The following WASHC5 variants were observed in gnomAD, a reference collection of about 807,000 sequenced individuals.
The protein encoded by WASHC5 is WASH complex subunit 5.
A neutral mutation model predicts 150.4 loss-of-function variants in WASHC5; 101 were observed. The ratio of observed to expected loss-of-function variants is 0.67; its 90% confidence interval spans 0.57 to 0.79. WASHC5 has a LOEUF of 0.79. Ranked by LOEUF, WASHC5 falls within the 30% of genes least tolerant of loss-of-function variation. The pLI is 0.00. For synonymous variants in WASHC5, 467 were observed against 491.2 expected (o/e 0.95, Z 0.65); for missense variants, 1,195 against 1,396.3 (o/e 0.86, Z 2.30).
At chr8:125,078,438 G>A (rs891531220) in intron 6 of WASHC5, among the ~76,000 whole-genome samples, 3 of 152,196 alleles carry the variant, frequency 2.0e-5, no homozygotes, top group Non-Finnish European at 4.4e-5. Flanking sequence ...TGGGTCCCCA[G>A]CATTGCGCAT....
chr8:125,066,159 C>G (rs78231486), intron 10 of WASHC5, among the ~76,000 whole-genome samples: 3,999 of 152,198 alleles, frequency 0.026, 183 homozygotes, highest in African/African-American at 0.092. Flanking sequence ...CAGAGGGAAA[C>G]CATTAAAATT....
intron 8 of WASHC5, 129 bp from the exon 9 acceptor site, chr8:125,073,453 T>C (rs1816962867): frequency 1.2e-6 from 1 of 810,640 alleles, no homozygotes; most frequent in Non-Finnish European, 2.1e-6. Context: ...ATTACAGTTA[T>C]AGGGCTCGAA....
chr8:125,025,826 G>GCAGACAGA (rs1815364701), intron 28 of WASHC5, among the ~76,000 whole-genome samples: 2 of 119,808 alleles, frequency 1.7e-5, no homozygotes, highest in South Asian at 5.9e-4. Flanking sequence ...ACTTACATAT[G>GCAGACAGA]CAGACAGACA....
Position 125,081,927 on chromosome 8 carries a change from G to A in WASHC5, c.418-166C>T, listed in dbSNP as rs3793446. ...AGGAGCTCTTACCTTCTTGCCGAAT[G>A]GGCCTTGAAAAGTTTATGTAAAACA... On this transcript the variant is annotated intron_variant, in intron 4 of 28. Transcript: ENST00000318410. Among the ~76,000 whole-genome samples the A allele has an allele frequency of 0.13, 19,673 of 152,180 alleles. 3,090 individuals carry two copies. Among genetic ancestry groups the A allele is most frequent in the African/African-American group, 0.38 (15,605 of 41,434 alleles).
intron 28 of WASHC5, among the ~76,000 whole-genome samples, chr8:125,026,394 G>C (rs1815380679): frequency 6.6e-6 from 1 of 152,032 alleles, no homozygotes; most frequent in Non-Finnish European, 1.5e-5. Flanking sequence ...TTTTAACTGA[G>C]ACACTGACAC....
At chr8:125,063,156 C>G (rs539350416) in intron 11 of WASHC5, among the ~76,000 whole-genome samples, 14 of 151,698 alleles carry the variant, frequency 9.2e-5, no homozygotes, top group Admixed American at 1.3e-4. Context: ...ATCCTTTCCC[C>G]CCTTTCCCCA....
At chr8:125,054,223 C>T (rs1039201535) in intron 17 of WASHC5, among the ~76,000 whole-genome samples, 2 of 152,160 alleles carry the variant, frequency 1.3e-5, no homozygotes, top group Non-Finnish European at 2.9e-5. Flanking sequence ...GAATTCTATG[C>T]AGCAGTAAAA....
chr8:125,073,126 T>C lies in WASHC5; in HGVS notation c.1150+27A>G, dbSNP rs1816947763. 1.9e-6 allele frequency: 3 copies of C among 1,612,970 alleles called. No homozygotes were observed. In the East Asian group the frequency reaches 6.7e-5, roughly 36 times the overall value. ...CTGAGAGTCTTTATGTGGAGTAATA[T>C]AAACGGCCACCCCTTTTGTGCATTA... On this transcript the variant is annotated intron_variant, in intron 9 of 28. Transcript: ENST00000318410.
intron 9 of WASHC5, among the ~76,000 whole-genome samples, chr8:125,068,289 G>T (rs1330450831): frequency 6.6e-6 from 1 of 152,208 alleles, no homozygotes; most frequent in African/African-American, 2.4e-5. Context: ...CCTTCTGGAA[G>T]TCTGGAATTT....
intron 19 of WASHC5, among the ~76,000 whole-genome samples, chr8:125,048,668 T>C (rs1816148610): frequency 1.3e-5 from 2 of 152,230 alleles, no homozygotes; most frequent in Admixed American, 6.5e-5. Context: ...CTACCCATTA[T>C]AGGTCCTAGT....
intron 20 of WASHC5, among the ~76,000 whole-genome samples, chr8:125,046,259 T>C (rs969882924): frequency 3.9e-5 from 6 of 152,120 alleles, no homozygotes; most frequent in Non-Finnish European, 7.4e-5. Context: ...CCCAAGCTGA[T>C]CTTAGTACCA....
chr8:125,077,633 A>G (rs191850945), intron 6 of WASHC5, among the ~76,000 whole-genome samples: 11 of 152,318 alleles, frequency 7.2e-5, no homozygotes, highest in Admixed American at 2.0e-4. Flanking sequence ...AGATGCTCTG[A>G]ATTGACACAG....
chr8:125,025,849 C>CACACACACACACACACACAG (rs1815367000), intron 28 of WASHC5, among the ~76,000 whole-genome samples: 1 of 151,964 alleles, frequency 6.6e-6, no homozygotes, highest in African/African-American at 2.4e-5. Context: ...CACACACACA[C>CACACACACACACACACACAG]ACACACACAA....
intron 1 of WASHC5, among the ~76,000 whole-genome samples, chr8:125,085,216 C>T (rs7832609): frequency 0.29 from 44,294 of 152,034 alleles, 7,186 homozygotes; most frequent in South Asian, 0.44. Flanking sequence ...GTGTAACATA[C>T]ATTTAATTGT....
intron 10 of WASHC5, among the ~76,000 whole-genome samples, chr8:125,064,666 G>A (rs775826795): frequency 2.2e-4 from 33 of 151,548 alleles, no homozygotes; most frequent in Non-Finnish European, 4.4e-4. Flanking sequence ...TAAAGGACAC[G>A]CCATCTCAGA....
intron 7 of WASHC5, among the ~76,000 whole-genome samples, chr8:125,075,746 G>T (rs1301841794): frequency 6.6e-6 from 1 of 152,158 alleles, no homozygotes; most frequent in African/African-American, 2.4e-5. Context: ...TATAGAAGCA[G>T]AACAAAATCT....
chr8:125,040,012 G>GA (rs1209301552), intron 23 of WASHC5, 114 bp from the exon 24 acceptor site: 14 of 723,920 alleles, frequency 1.9e-5, no homozygotes, highest in South Asian at 5.9e-5. Context: ...CACTCTACAG[G>GA]AAAAAAAATA....
At chr8:125,035,566 T>C (rs1815678641) in intron 26 of WASHC5, among the ~76,000 whole-genome samples, 1 of 152,218 alleles carries the variant, frequency 6.6e-6, no homozygotes, top group Admixed American at 6.5e-5. Context: ...TCAGCACCTG[T>C]TGGGCACTCA....
At chr8:125,033,260 G>T (rs1815592730) in intron 26 of WASHC5, among the ~76,000 whole-genome samples, 1 of 152,144 alleles carries the variant, frequency 6.6e-6, no homozygotes, top group South Asian at 2.1e-4. Context: ...TATGGCATAA[G>T]AACAGACAAA....
Sources: allele counts gnomAD v4.1 joint callset (sites outside exome capture counted in the v4.1 genomes callset), GRCh38; gene constraint gnomAD v4.1.1; transcripts MANE v1.5; gene names NCBI Gene and HGNC (gene_info 2026-07-23, HGNC 2026-07-21).